The following KLF12 variants were observed in gnomAD, a reference collection of about 807,000 sequenced individuals.
KLF12 encodes the protein KLF transcription factor 12.
Under a neutral mutation model 37.8 loss-of-function variants are expected in KLF12, and 9 were observed. That is an observed-to-expected ratio of 0.24 (90% CI 0.14 to 0.42). The LOEUF (loss-of-function observed/expected upper bound fraction) is 0.42. Ranked by LOEUF, KLF12 falls within the 10% of genes least tolerant of loss-of-function variation. The pLI is 1.00. For missense variants in KLF12, 411 were observed against 516.0 expected (o/e 0.80, Z 1.97); for synonymous variants, 208 against 202.1 (o/e 1.03, Z -0.25).
chr13:73,905,498 A>G (rs901705059), intron 3 of KLF12, among the ~76,000 whole-genome samples: 6 of 151,954 alleles, frequency 3.9e-5, no homozygotes, highest in African/African-American at 1.5e-4. Context: ...CTCCATGAAC[A>G]TTATTTCTTG....
chr13:73,772,252 C>G (rs1308264368), intron 5 of KLF12, among the ~76,000 whole-genome samples: 1 of 152,184 alleles, frequency 6.6e-6, no homozygotes, highest in Non-Finnish European at 1.5e-5. Context: ...GTTCTAAGTT[C>G]TTAAGTGTGT....
In KLF12 at chr13:73,981,618, T is replaced by C. The variant is rs1324205699; in HGVS notation, c.33+13372A>G. ...ATGATGAAAAGAAAGGAAATTATAATACAAAATTCAGGATAAATGGTTATG... is the reference window on the plus strand; with the variant it reads ...ATGATGAAAAGAAAGGAAATTATAACACAAAATTCAGGATAAATGGTTATG... On this transcript the variant is annotated intron_variant, in intron 2 of 7. Coordinates refer to ENST00000377669, the MANE Select transcript of KLF12 (RefSeq NM_007249.5). 5.3e-5 allele frequency among the ~76,000 whole-genome samples: 8 copies of C among 152,192 alleles called. No individual in the cohort carries two copies. In the East Asian group the frequency reaches 1.5e-3, roughly 29 times the overall value.
At chr13:74,266,484 A>G in the KLF12 span, among the ~76,000 whole-genome samples, 11 of 152,134 alleles carry the variant, frequency 7.2e-5, no homozygotes, top group Non-Finnish European at 1.3e-4. Context: ...ATACACACAC[A>G]CATATGCACA....
At chr13:74,134,563 C>T (rs1455972517), upstream of KLF12, among the ~76,000 whole-genome samples, 3 of 151,688 alleles carry the variant, frequency 2.0e-5, no homozygotes, top group South Asian at 2.1e-4. Flanking sequence ...CCCCGCCCTC[C>T]GGCCCCGGGC....
chr13:73,779,505 T>TC (rs1428723139), intron 5 of KLF12, among the ~76,000 whole-genome samples: 2 of 152,150 alleles, frequency 1.3e-5, no homozygotes, highest in Non-Finnish European at 2.9e-5. Context: ...AACTCAGGGT[T>TC]CCCCCTGATA....
chr13:74,159,318 A>G, the KLF12 span, among the ~76,000 whole-genome samples: 2 of 152,208 alleles, frequency 1.3e-5, no homozygotes, highest in African/African-American at 4.8e-5. Flanking sequence ...TTTTTTCAAA[A>G]AATATAATTT....
intron 1 of KLF12, among the ~76,000 whole-genome samples, chr13:74,020,025 A>G (rs1035303090): frequency 6.6e-6 from 1 of 152,258 alleles, no homozygotes; most frequent in Non-Finnish European, 1.5e-5. Flanking sequence ...GCTGGGAAAG[A>G]AAAGAAGAAA....
chr13:73,818,445 G>C (rs2138482392), intron 4 of KLF12, among the ~76,000 whole-genome samples: 1 of 152,280 alleles, frequency 6.6e-6, no homozygotes, highest in East Asian at 1.9e-4. Flanking sequence ...TTTAAACTTT[G>C]CTTGTTTCCT....
chr13:73,759,962 C>T (rs1426816530), intron 6 of KLF12, among the ~76,000 whole-genome samples: 1 of 152,100 alleles, frequency 6.6e-6, no homozygotes, highest in Middle Eastern at 3.2e-3. Flanking sequence ...AGTTATATCC[C>T]TCAAAAAGAT....
intron 3 of KLF12, 28 bp downstream of exon 3, chr13:73,943,953 T>TG: frequency 7.3e-7 from 1 of 1,369,774 alleles, no homozygotes; most frequent in South Asian, 1.2e-5. Context: ...TCAAAAGGAG[T>TG]GGGGCATTGC....
the KLF12 span, among the ~76,000 whole-genome samples, chr13:74,195,717 G>A: frequency 6.6e-6 from 1 of 152,050 alleles, no homozygotes; most frequent in South Asian, 2.1e-4. Context: ...TCCTGCCTCA[G>A]CCTCCCGAAT....
chr13:73,959,100 T>A (rs1423229314), intron 2 of KLF12, among the ~76,000 whole-genome samples: 7 of 66,540 alleles, frequency 1.1e-4, no homozygotes, highest in Admixed American at 3.6e-4. Flanking sequence ...AAGTTCAGCA[T>A]CTCTGACCTC....
rs34876792 is a variant in KLF12 at position 74,087,338 on chromosome 13, A to ATT, written c.-32+46399_-32+46400dup. ...GACAAGACAGAAGGGTTTAAAAAAA[A>ATT]TTTTTTTTTTTTTTGAGAGAATTTT... is the stretch of plus-strand genomic sequence containing the variant. On this transcript the variant is annotated intron_variant, in intron 1 of 7. Coordinates refer to ENST00000377669, the MANE Select transcript of KLF12 (RefSeq NM_007249.5). Among the ~76,000 whole-genome samples the ATT allele has an allele frequency of 4.0e-3, 582 of 145,954 alleles. 6 individuals carry two copies. Among genetic ancestry groups the ATT allele is most frequent in the African/African-American group, 0.015 (564 of 38,790 alleles).
At chr13:74,143,985 A>C in the KLF12 span, among the ~76,000 whole-genome samples, 1 of 152,214 alleles carries the variant, frequency 6.6e-6, no homozygotes, top group South Asian at 2.1e-4. Context: ...TTGTGAGTTG[A>C]GAAGTATCTG....
chr13:74,105,516 AC>A (rs1876603635), intron 1 of KLF12, among the ~76,000 whole-genome samples: 1 of 152,202 alleles, frequency 6.6e-6, no homozygotes, highest in Non-Finnish European at 1.5e-5. Context: ...GCAAACAACA[AC>A]AATAATAATA....
chr13:74,179,658 G>C, the KLF12 span, among the ~76,000 whole-genome samples: 1 of 152,098 alleles, frequency 6.6e-6, no homozygotes, highest in Admixed American at 6.6e-5. Context: ...TTAAATTCTA[G>C]TTTTTCAGTG....
chr13:74,178,542 C>G, the KLF12 span, among the ~76,000 whole-genome samples: 1 of 152,130 alleles, frequency 6.6e-6, no homozygotes, highest in Non-Finnish European at 1.5e-5. Context: ...TTAGAAACAC[C>G]AGAGGAGTTC....
At chr13:74,071,582 A>T (rs1324666800) in intron 1 of KLF12, among the ~76,000 whole-genome samples, 1 of 151,986 alleles carries the variant, frequency 6.6e-6, no homozygotes, top group East Asian at 1.9e-4. Context: ...AGTCCCAGCT[A>T]CTCGGGAGGC....
intron 6 of KLF12, among the ~76,000 whole-genome samples, chr13:73,753,309 GAAT>G (rs1878916010): frequency 6.6e-6 from 1 of 152,070 alleles, no homozygotes; most frequent in African/African-American, 2.4e-5. Context: ...CTAGCACCTG[GAAT>G]AATGTGCCCA....
Sources: gnomAD v4.1 joint callset for allele counts (sites outside exome capture counted in the v4.1 genomes callset) on GRCh38, gnomAD v4.1.1 for gene constraint, MANE v1.5 for transcripts, NCBI Gene and HGNC (gene_info 2026-07-23, HGNC 2026-07-21) for gene names.